Variants in TENM2 observed in about 807,000 individuals in gnomAD.
TENM2 encodes teneurin-2.
Under a neutral mutation model 245.2 loss-of-function variants are expected in TENM2, and 52 were observed. The observed-to-expected ratio is 0.21, with a 90% CI of 0.17 to 0.27. TENM2 has a LOEUF of 0.27. TENM2 is among the 10% of genes least tolerant of loss of function. TENM2 has a pLI of 1.00. For missense variants in TENM2, 3,046 were observed against 3,666.8 expected (o/e 0.83, Z 4.37); for synonymous variants, 1,363 against 1,438.9 (o/e 0.95, Z 1.19).
chr5:168,256,412 T>C (rs1767664840), intron 27 of TENM2, among the ~76,000 whole-genome samples: 2 of 148,084 alleles, frequency 1.4e-5, no homozygotes, highest in South Asian at 4.4e-4. Flanking sequence ...TTTAAGGGAA[T>C]TTCAAACTTG....
At chr5:167,051,692 A>G in the TENM2 span, among the ~76,000 whole-genome samples, 1 of 152,200 alleles carries the variant, frequency 6.6e-6, no homozygotes, top group South Asian at 2.1e-4. Flanking sequence ...AGCTTTTTAT[A>G]TTGGTACAAG....
At chr5:167,891,962 T>G (rs1041278068) in intron 3 of TENM2, among the ~76,000 whole-genome samples, 3 of 152,200 alleles carry the variant, frequency 2.0e-5, no homozygotes, top group African/African-American at 4.8e-5. Flanking sequence ...TGTAGCTTGC[T>G]TTGGAAAAGA....
intron 2 of TENM2, among the ~76,000 whole-genome samples, chr5:167,571,072 T>C (rs1286305125): frequency 6.6e-6 from 1 of 152,228 alleles, no homozygotes; most frequent in Non-Finnish European, 1.5e-5. Flanking sequence ...GTCATCCATT[T>C]TGAGGTGATG....
intron 1 of TENM2, among the ~76,000 whole-genome samples, chr5:167,289,184 T>G (rs932113435): frequency 1.3e-5 from 2 of 152,154 alleles, no homozygotes; most frequent in Non-Finnish European, 2.9e-5. Flanking sequence ...CAGCACTGAT[T>G]CTATGCCCTC....
chr5:167,448,385 A>G (rs2127470697), intron 2 of TENM2, among the ~76,000 whole-genome samples: 1 of 151,990 alleles, frequency 6.6e-6, no homozygotes, highest in African/African-American at 2.4e-5. Context: ...AAAATAAGCA[A>G]TAAGCGTCTG....
chr5:168,051,268 C>G (rs1034906091), intron 6 of TENM2, among the ~76,000 whole-genome samples: 8 of 152,186 alleles, frequency 5.3e-5, no homozygotes, highest in African/African-American at 1.7e-4. Context: ...TATCAGGGGT[C>G]AGCAAACTAC....
At position 168,199,740 on chromosome 5, in the gene TENM2, G is replaced by T. The variant is rs1761769365; in HGVS notation, c.3163-124G>T. 12 of 1,013,420 alleles carry T rather than the reference G, an allele frequency of 1.2e-5. No individual in the cohort carries two copies. In the South Asian group the frequency reaches 1.9e-4, roughly 16 times the overall value. 62.8% of individuals were successfully genotyped at this position (1,013,420 alleles called of 1,614,324 possible). ...TTTTCTTTCTCAGTGGTGGTAAGTGGTTCTTGCACCCACATAAGATGTGAT... is the reference window on the plus strand; with the variant it reads ...TTTTCTTTCTCAGTGGTGGTAAGTGTTTCTTGCACCCACATAAGATGTGAT... On this transcript the variant is annotated intron_variant, in intron 16 of 28. Coordinates refer to ENST00000518659, the Ensembl canonical transcript of TENM2.
chr5:167,225,337 G>A, the TENM2 span, among the ~76,000 whole-genome samples: 68 of 151,904 alleles, frequency 4.5e-4, no homozygotes, highest in African/African-American at 7.7e-4. Context: ...AGGTATGTTC[G>A]TTTAATGCCT....
intron 2 of TENM2, among the ~76,000 whole-genome samples, chr5:167,724,721 C>T (rs535773349): frequency 1.3e-5 from 2 of 152,236 alleles, no homozygotes; most frequent in East Asian, 3.9e-4. Flanking sequence ...TGAGAAGAAA[C>T]CAAACACACA....
intron 2 of TENM2, among the ~76,000 whole-genome samples, chr5:167,776,593 GAAAAAAAAAAAAAAAAAAAA>G (rs869252752): frequency 2.8e-5 from 1 of 36,026 alleles, no homozygotes; most frequent in African/African-American, 8.7e-5. Context: ...GACCCTGTCT[GAAAAAAAAAAAAAAAAAAAA>G]AAAAAAAAAA....
intron 6 of TENM2, among the ~76,000 whole-genome samples, chr5:168,049,330 A>C (rs1788880371): frequency 6.6e-6 from 1 of 152,210 alleles, no homozygotes; most frequent in African/African-American, 2.4e-5. Flanking sequence ...CCTTTAATCT[A>C]CAAGTCAGCA....
At chr5:167,434,312 G>T (rs960969953) in intron 2 of TENM2, among the ~76,000 whole-genome samples, 8 of 150,150 alleles carry the variant, frequency 5.3e-5, no homozygotes, top group Admixed American at 3.3e-4. Context: ...TACTCAGGAG[G>T]CTGAGGTAGG....
At position 168,154,164 on chromosome 5, in the gene TENM2, A is replaced by AAAAAAAAAAC. The variant is rs1171979738; in HGVS notation, c.2423-8445_2423-8444insAAAAAAACAA. On this transcript the variant is annotated intron_variant, in intron 12 of 28. Transcript: ENST00000518659. ...ACCTACTTTAAAAAAAAAAAAAAAA[A>AAAAAAAAAAC]AACAGTAAGAGCTTGAAACATCAAA... is the stretch of plus-strand genomic sequence containing the variant. 1.1e-3 allele frequency among the ~76,000 whole-genome samples: 166 copies of AAAAAAAAAAC among 150,712 alleles called. 2 individuals are homozygous for AAAAAAAAAAC. Among genetic ancestry groups the AAAAAAAAAAC allele is most frequent in the African/African-American group, 3.9e-3 (158 of 40,586 alleles).
At chr5:167,711,543 T>G (rs1758908672) in intron 2 of TENM2, among the ~76,000 whole-genome samples, 1 of 152,196 alleles carries the variant, frequency 6.6e-6, no homozygotes, top group South Asian at 2.1e-4. Flanking sequence ...CTTTGTCCCC[T>G]GGCCTTTCAC....
At chr5:167,494,269 C>G (rs576164541) in intron 2 of TENM2, among the ~76,000 whole-genome samples, 1 of 152,018 alleles carries the variant, frequency 6.6e-6, no homozygotes, top group East Asian at 1.9e-4. Flanking sequence ...ACACTTCTTG[C>G]AGAAGATATA....
intron 2 of TENM2, among the ~76,000 whole-genome samples, chr5:167,403,615 TTGTC>T (rs1291751429): frequency 6.6e-6 from 1 of 152,154 alleles, no homozygotes; most frequent in Non-Finnish European, 1.5e-5. Context: ...TCCTAAAACC[TTGTC>T]TGAGTGCTCT....
chr5:168,044,288 G>T (rs185128469), intron 5 of TENM2, among the ~76,000 whole-genome samples: 1 of 152,120 alleles, frequency 6.6e-6, no homozygotes, highest in African/African-American at 2.4e-5. Context: ...GCATGCGGGC[G>T]CCTGTAGTCC....
chr5:167,245,357 A>G, the TENM2 span, among the ~76,000 whole-genome samples: 70 of 152,274 alleles, frequency 4.6e-4, no homozygotes, highest in African/African-American at 1.6e-3. Context: ...TTTTAGTTCC[A>G]TTCCTTAAAT....
chr5:168,062,069 C>G lies in TENM2; in HGVS notation c.1319C>G (p.Ser440Trp), dbSNP rs765125639. 3.1e-6 allele frequency: 5 copies of G among 1,602,522 alleles called. No homozygotes were observed. The Admixed American group carries it at 8.6e-5, about 27-fold the overall frequency. ...CTTTTTTTTTTTTCAGTGCCCTGGTCGTTGAAAAACAGCAGCATAGACAGT... is the reference window on the plus strand; with the variant it reads ...CTTTTTTTTTTTTCAGTGCCCTGGTGGTTGAAAAACAGCAGCATAGACAGT... Residue 440 changes from serine to tryptophan, a missense_variant, in exon 7 of 29, where the codon TCG becomes TGG. Physicochemically the swap from Ser to Trp is radical, Grantham distance 177. Transcript: ENST00000518659.
Sources: gnomAD v4.1 joint callset for allele counts (sites outside exome capture counted in the v4.1 genomes callset) on GRCh38, gnomAD v4.1.1 for gene constraint, MANE v1.5 for transcripts, NCBI Gene and HGNC (gene_info 2026-07-23, HGNC 2026-07-21) for gene names.